SAA2: variants seen among roughly 807,000 people sequenced by gnomAD.
The protein encoded by SAA2 is serum amyloid A-2 protein.
A neutral mutation model predicts 9.1 loss-of-function variants in SAA2; 5 were observed. The observed-to-expected ratio is 0.55, with a 90% CI of 0.29 to 1.16. The LOEUF (loss-of-function observed/expected upper bound fraction) is 1.16. SAA2 is among the 50% of genes most tolerant of loss of function. The pLI is 0.09. For missense variants in SAA2, 94 were observed against 153.8 expected (o/e 0.61, Z 2.06); for synonymous variants, 49 against 59.8 (o/e 0.82, Z 0.83).
exon 4 of SAA2, chr11:18,239,359 A>G (rs1039610386): frequency 4.9e-6 from 1 of 202,716 alleles, no homozygotes; most frequent in Non-Finnish European, 9.8e-6. Context: ...AATTGCCCTC[A>G]TTACTTTTTT....
downstream of SAA2, chr11:18,242,691 T>C (rs1564904148): frequency 7.5e-6 from 5 of 667,704 alleles, no homozygotes; most frequent in Admixed American, 2.1e-5. Context: ...ACAAAAAATA[T>C]AAAAATTAGG....
downstream of SAA2, chr11:18,242,543 A>G: frequency 2.1e-6 from 1 of 484,178 alleles, no homozygotes; most frequent in Non-Finnish European, 3.6e-6. Flanking sequence ...TCAAACCGAC[A>G]CAAAAATAAA....
At chr11:18,244,363 T>C (rs1857439656), downstream of SAA2, among the ~76,000 whole-genome samples, 1 of 152,146 alleles carries the variant, frequency 6.6e-6, no homozygotes, top group South Asian at 2.1e-4. Context: ...ATTCCCAGAG[T>C]TAAGTTACAC....
chr11:18,240,751 C>T (rs1339585312), downstream of SAA2, among the ~76,000 whole-genome samples: 3 of 151,956 alleles, frequency 2.0e-5, no homozygotes, highest in Admixed American at 2.0e-4. Context: ...AAATGTAAGA[C>T]CTGAAACAAA....
At chr11:18,240,592 A>G (rs1194386529), downstream of SAA2, among the ~76,000 whole-genome samples, 1 of 152,236 alleles carries the variant, frequency 6.6e-6, no homozygotes, top group Non-Finnish European at 1.5e-5. Flanking sequence ...TAACCAACTG[A>G]TCTTTGACAA....
chr11:18,239,106 A>G (rs150418299), downstream of SAA2: 112 of 152,288 alleles, frequency 7.4e-4, no homozygotes, highest in African/African-American at 2.7e-3. Flanking sequence ...AATTTGTCCT[A>G]CCGTAATATA....
chr11:18,240,195 A>G (rs956214178), intron 3 of SAA2: 2 of 718,952 alleles, frequency 2.8e-6, no homozygotes, highest in African/African-American at 3.5e-5. Context: ...TAACCTGTAA[A>G]TGATTCTCTT....
At chr11:18,238,977 T>C (rs1590009381), downstream of SAA2, among the ~76,000 whole-genome samples, 1 of 152,122 alleles carries the variant, frequency 6.6e-6, no homozygotes, top group East Asian at 1.9e-4. Context: ...AGTTCCATCC[T>C]TGTTGTTGCA....
At chr11:18,242,788 A>G, downstream of SAA2, 1 of 701,852 alleles carries the variant, frequency 1.4e-6, no homozygotes, top group Non-Finnish European at 2.6e-6. Context: ...TCGAGGTTGC[A>G]GTGAGCCATG....
downstream of SAA2, chr11:18,240,268 G>T (rs1461194365): frequency 1.4e-6 from 1 of 702,682 alleles, no homozygotes. Flanking sequence ...AGTTGTGGTT[G>T]TATTCCTCAG....
exon 4 of SAA2, chr11:18,239,825 T>A: frequency 7.6e-7 from 1 of 1,319,030 alleles, no homozygotes; most frequent in East Asian, 2.6e-5. Context: ...CATCCATGCC[T>A]CTTAGCACAG....
intron 3 of SAA2, 74 bp downstream of exon 3, chr11:18,245,836 T>G (rs1464181940): frequency 1.3e-6 from 2 of 1,513,174 alleles, no homozygotes; most frequent in Non-Finnish European, 1.8e-6. Context: ...CACAAGGAGC[T>G]CGTCTCCCTC....
At position 18,245,444 on chromosome 11, in the gene SAA2, T is replaced by C. The variant is rs1468992401; in HGVS notation, c.302A>G (p.Asn101Ser). The C allele has an allele frequency of 1.1e-5, 17 of 1,614,088 alleles. No homozygotes were observed. Among genetic ancestry groups the C allele is most frequent in the Middle Eastern group, 3.3e-4 (2 of 6,084 alleles). Residue 101 changes from asparagine to serine, a missense_variant, in exon 4 of 4, where the codon AAT becomes AGT. Coordinates refer to ENST00000256733, the MANE Select transcript of SAA2 (RefSeq NM_030754.5). Reference protein sequence around the residue: ...AEDSLADQAANKWGRSGRDPN... With the variant: ...AEDSLADQAASKWGRSGRDPN... ...GTCTCTGCCACTCCTGCCCCATTTA[T>C]TGGCAGCCTGATCGGCCAGCGAGTC...
chr11:18,242,890 G>T, downstream of SAA2: 1 of 681,196 alleles, frequency 1.5e-6, no homozygotes, highest in Admixed American at 2.2e-5. Context: ...AAAGAGCAAT[G>T]CAATTTCCCT....
chr11:18,243,024 T>C (rs1520887), downstream of SAA2, among the ~76,000 whole-genome samples: 46,627 of 152,078 alleles, frequency 0.31, 8,105 homozygotes, highest in African/African-American at 0.47. Context: ...AATTATAAAT[T>C]CCTGGGTAAA....
chr11:18,243,896 G>C (rs573228559), downstream of SAA2, among the ~76,000 whole-genome samples: 1 of 152,274 alleles, frequency 6.6e-6, no homozygotes, highest in South Asian at 2.1e-4. Flanking sequence ...TGGACCCTGT[G>C]AACATTTCTC....
chr11:18,248,649 A>T lies in SAA2; in HGVS notation c.-51T>A, dbSNP rs2468817. 6.5e-6 allele frequency: 1 copy of T among 152,692 alleles called. No individual in the cohort carries two copies. The highest frequency in any genetic ancestry group is 1.5e-5 in the Non-Finnish European group (1 of 68,746). 9.5% of individuals were successfully genotyped at this position (152,692 alleles called of 1,614,324 possible). A position where few individuals can be genotyped will look rare whatever the true frequency, so the allele number is the denominator to read the frequency against. ...CTGCGGGTCCCTGTCTGCCAGGGAG[A>T]GGTGGCTGCTATTTATAGTGAGCCT... On this transcript the variant is annotated 5_prime_UTR_variant, in exon 1 of 4. Coordinates refer to ENST00000256733, the MANE Select transcript of SAA2 (RefSeq NM_030754.5).
At chr11:18,241,937 T>C (rs142627842), downstream of SAA2, among the ~76,000 whole-genome samples, 11 of 152,248 alleles carry the variant, frequency 7.2e-5, 1 homozygote, top group East Asian at 2.1e-3. Context: ...ATAACAATAA[T>C]AAATGCTGAA....
downstream of SAA2, among the ~76,000 whole-genome samples, chr11:18,240,506 G>C (rs962839078): frequency 6.6e-6 from 1 of 152,074 alleles, no homozygotes; most frequent in East Asian, 1.9e-4. Context: ...AATAAATGTT[G>C]ATGGTACTGG....
Sources: gnomAD v4.1 joint callset for allele counts (sites outside exome capture counted in the v4.1 genomes callset) on GRCh38, gnomAD v4.1.1 for gene constraint, MANE v1.5 for transcripts, NCBI Gene and HGNC (gene_info 2026-07-23, HGNC 2026-07-21) for gene names.